WWOX: variants seen among roughly 807,000 people sequenced by gnomAD.
WWOX encodes WW domain-containing oxidoreductase.
In WWOX, 69 loss-of-function variants were observed where a neutral mutation model predicts 46.2. The observed-to-expected ratio is 1.49, with a 90% CI of 1.23 to 1.82. The LOEUF (loss-of-function observed/expected upper bound fraction) is 1.82, where lower values mean the gene tolerates loss of function less well. Among genes scored for constraint, WWOX ranks in the 40% most tolerant of loss-of-function variants. WWOX has a pLI of 0.00. For synonymous variants in WWOX, 359 were observed against 202.6 expected (o/e 1.77, Z -6.56); for missense variants, 919 against 542.6 (o/e 1.69, Z -6.89).
intron 8 of WWOX, among the ~76,000 whole-genome samples, chr16:78,648,476 C>T (rs369966032): frequency 2.6e-5 from 4 of 152,210 alleles, no homozygotes; most frequent in East Asian, 1.9e-4. Context: ...CAAAGATACA[C>T]ATGGACAATG....
intron 8 of WWOX, among the ~76,000 whole-genome samples, chr16:78,928,392 CG>C (rs1433369319): frequency 6.6e-5 from 10 of 151,578 alleles, no homozygotes; most frequent in African/African-American, 2.4e-4. Flanking sequence ...TTAGTAGAGA[CG>C]GGGTTTCACC....
intron 8 of WWOX, among the ~76,000 whole-genome samples, chr16:79,150,269 A>T (rs1376200069): frequency 6.6e-6 from 1 of 152,222 alleles, no homozygotes; most frequent in African/African-American, 2.4e-5. Flanking sequence ...TCAATGCCTT[A>T]ATTTTTCCAG....
chr16:78,314,378 C>T (rs2080311326), intron 5 of WWOX, among the ~76,000 whole-genome samples: 2 of 108,040 alleles, frequency 1.9e-5, no homozygotes, highest in Admixed American at 2.0e-4. Flanking sequence ...TGCACTCCAG[C>T]CTGAGCAACA....
chr16:78,376,346 T>C (rs946121827), intron 5 of WWOX, among the ~76,000 whole-genome samples: 1 of 152,218 alleles, frequency 6.6e-6, no homozygotes, highest in Non-Finnish European at 1.5e-5. Context: ...ACTATGTTTT[T>C]AGGAAAAGTT....
intron 8 of WWOX, among the ~76,000 whole-genome samples, chr16:78,563,175 T>C (rs2044480045): frequency 5.3e-5 from 8 of 152,204 alleles, no homozygotes; most frequent in Admixed American, 5.2e-4. Flanking sequence ...GCAATCAAGA[T>C]GATTACATGG....
intron 8 of WWOX, among the ~76,000 whole-genome samples, chr16:78,815,000 A>C (rs1470506571): frequency 1.3e-5 from 2 of 152,156 alleles, no homozygotes; most frequent in Non-Finnish European, 2.9e-5. Flanking sequence ...TGCTCCCTGC[A>C]GGGTGTCACT....
chr16:78,389,951 T>C (rs1213002677), intron 6 of WWOX, among the ~76,000 whole-genome samples: 1 of 152,172 alleles, frequency 6.6e-6, no homozygotes, highest in African/African-American at 2.4e-5. Flanking sequence ...GGTTTCACCA[T>C]GTTGGCCAGG....
rs564099506 is a variant in WWOX, at chr16:79,197,103, C to G, written c.1057-14505C>G. Among the ~76,000 whole-genome samples, 11 of 152,222 alleles carry G rather than the reference C, an allele frequency of 7.2e-5. No individual in the cohort carries two copies. The East Asian group carries it at 1.5e-3, about 21-fold the overall frequency. On this transcript the variant is annotated intron_variant, in intron 8 of 8. Coordinates refer to ENST00000566780, the MANE Select transcript of WWOX (RefSeq NM_016373.4). Reference sequence around the variant, plus strand: ...AGGGGAGCTACCTGAGTGGAGTCAACTTTTAGGTTATAGGGACCAAGTTGA... The same window carrying G: ...AGGGGAGCTACCTGAGTGGAGTCAAGTTTTAGGTTATAGGGACCAAGTTGA...
At chr16:78,781,025 T>C (rs535564557) in intron 8 of WWOX, among the ~76,000 whole-genome samples, 6 of 152,298 alleles carry the variant, frequency 3.9e-5, no homozygotes, top group Non-Finnish European at 7.4e-5. Flanking sequence ...CTGCCACCTC[T>C]CCACATTTGG....
intron 8 of WWOX, among the ~76,000 whole-genome samples, chr16:78,770,668 C>T (rs532689642): frequency 6.6e-6 from 1 of 151,742 alleles, no homozygotes; most frequent in Non-Finnish European, 1.5e-5. Flanking sequence ...CCCTCCCCCC[C>T]TCCCCGAAGT....
chr16:79,118,271 A>G (rs28624841), intron 8 of WWOX, among the ~76,000 whole-genome samples: 4,273 of 152,332 alleles, frequency 0.028, 214 homozygotes, highest in African/African-American at 0.098. Context: ...GGAGAACAGC[A>G]GGTTGCTGGA....
chr16:78,675,480 C>A (rs914427778), intron 8 of WWOX, among the ~76,000 whole-genome samples: 11 of 152,024 alleles, frequency 7.2e-5, no homozygotes, highest in Non-Finnish European at 1.5e-4. Context: ...TTGCCATGTT[C>A]CAGGCACGGT....
intron 8 of WWOX, among the ~76,000 whole-genome samples, chr16:79,031,006 C>T (rs1235588451): frequency 4.0e-5 from 6 of 151,080 alleles, no homozygotes; most frequent in Admixed American, 1.3e-4. Context: ...ATGGGAGAAT[C>T]ACCCGAGGCT....
At position 78,340,960 on chromosome 16, in the gene WWOX, C is replaced by G. The variant is rs1202487530; in HGVS notation, c.517-45900C>G. 2.5e-5 allele frequency among the ~76,000 whole-genome samples: 3 copies of G among 118,736 alleles called. 1 individual carries two copies. Among genetic ancestry groups the G allele is most frequent in the African/African-American group, 8.6e-5 (3 of 34,902 alleles). The allele number at this position is 118,736 out of a possible 152,430, so 77.9% of individuals were successfully genotyped here. On this transcript the variant is annotated intron_variant, in intron 5 of 8. Coordinates refer to ENST00000566780, the MANE Select transcript of WWOX (RefSeq NM_016373.4). ...CTGCTGGGCTGAGTGGGGAGGGATT[C>G]TCAAGCTGTACATAGCTGACACACA...
At chr16:78,470,947 T>G (rs2084206152) in intron 8 of WWOX, among the ~76,000 whole-genome samples, 1 of 152,234 alleles carries the variant, frequency 6.6e-6, no homozygotes, top group Non-Finnish European at 1.5e-5. Context: ...TGAGGATGGC[T>G]GTATGACAGA....
At chr16:78,620,814 C>G (rs2045342883) in intron 8 of WWOX, among the ~76,000 whole-genome samples, 1 of 152,072 alleles carries the variant, frequency 6.6e-6, no homozygotes, top group Non-Finnish European at 1.5e-5. Flanking sequence ...TAAAGACATA[C>G]TTTTGGATAT....
chr16:78,842,824 C>A (rs938926970), intron 8 of WWOX, among the ~76,000 whole-genome samples: 1 of 150,480 alleles, frequency 6.6e-6, no homozygotes, highest in Non-Finnish European at 1.5e-5. Context: ...TGCACACCAG[C>A]CGGGGGTGAC....
intron 8 of WWOX, among the ~76,000 whole-genome samples, chr16:78,471,912 G>A (rs189715217): frequency 6.6e-6 from 1 of 151,888 alleles, no homozygotes; most frequent in Admixed American, 6.6e-5. Context: ...TCCAGATAAC[G>A]GTTATCAGTT....
intron 8 of WWOX, among the ~76,000 whole-genome samples, chr16:78,818,199 C>G (rs1241117612): frequency 2.0e-5 from 3 of 152,142 alleles, no homozygotes; most frequent in Non-Finnish European, 4.4e-5. Context: ...TCAGGTACTC[C>G]CTGGAAAGGC....
Sources: gnomAD v4.1 joint callset for allele counts (sites outside exome capture counted in the v4.1 genomes callset) on GRCh38, gnomAD v4.1.1 for gene constraint, MANE v1.5 for transcripts, NCBI Gene and HGNC (gene_info 2026-07-23, HGNC 2026-07-21) for gene names.